The following DNAJA3 variants were observed in gnomAD, a reference collection of about 807,000 sequenced individuals.
DNAJA3 encodes dnaJ homolog subfamily A member 3, mitochondrial.
Under a neutral mutation model 54.9 loss-of-function variants are expected in DNAJA3, and 29 were observed. The ratio of observed to expected loss-of-function variants is 0.53; its 90% confidence interval spans 0.39 to 0.72. The LOEUF (loss-of-function observed/expected upper bound fraction) is 0.72. DNAJA3 is among the 30% of genes least tolerant of loss of function. DNAJA3 has a pLI of 0.00. For missense variants in DNAJA3, 708 were observed against 639.4 expected, an observed-to-expected ratio of 1.11 and a Z score of -1.16; for synonymous variants, 302 against 251.4, an observed-to-expected ratio of 1.20 and a Z score of -1.90.
chr16:4,434,288 G>A, intron 1 of DNAJA3, 96 bp from the exon 2 acceptor site: 1 of 1,387,472 alleles, frequency 7.2e-7, no homozygotes, highest in African/African-American at 1.4e-5. Flanking sequence ...CAGTTTGTTT[G>A]TTCCTTCACA....
At chr16:4,449,202 T>C (rs1006101169) in intron 9 of DNAJA3, among the ~76,000 whole-genome samples, 1 of 151,568 alleles carries the variant, frequency 6.6e-6, no homozygotes, top group Non-Finnish European at 1.5e-5. Context: ...TTCACCGTGT[T>C]AGCCAGAGTG....
At position 4,443,171 on chromosome 16, in the gene DNAJA3, G is replaced by A; in HGVS notation, c.931+7G>A. 6.2e-7 allele frequency: 1 copy of A among 1,613,746 alleles called. No individual in the cohort carries two copies. Among genetic ancestry groups the A allele is most frequent in the Non-Finnish European group, 8.5e-7 (1 of 1,179,916 alleles). On this transcript the variant is annotated splice_region_variant and intron_variant, in intron 6 of 11. Transcript: ENST00000262375. ...ATGATCCCTGTGCCTGCAGGTGGGT[G>A]CTTGGGCCCGCCATGTCCAGGAGCT...
intron 5 of DNAJA3, chr16:4,442,810 G>T: frequency 1.6e-6 from 1 of 606,146 alleles, no homozygotes; most frequent in Non-Finnish European, 2.9e-6. Flanking sequence ...TCAAGTTGAT[G>T]ATCTGGAGTG....
chr16:4,454,500 T>C (rs768588207), intron 10 of DNAJA3, among the ~76,000 whole-genome samples: 15 of 152,184 alleles, frequency 9.9e-5, no homozygotes, highest in Non-Finnish European at 1.8e-4. Context: ...CTTGACTGTG[T>C]TTTTGTCACT....
At chr16:4,427,074 C>T (rs746919863) in intron 1 of DNAJA3, 3 of 152,304 alleles carry the variant, frequency 2.0e-5, no homozygotes, top group Non-Finnish European at 2.9e-5. Context: ...TGCGCCACCA[C>T]GCCTGGCCAA....
At chr16:4,432,338 TTTTTTTTTC>T (rs1338460930) in intron 1 of DNAJA3, among the ~76,000 whole-genome samples, 210 of 26,168 alleles carry the variant, frequency 8.0e-3, no homozygotes, top group Middle Eastern at 0.061. Flanking sequence ...TTTCTTTCTT[TTTTTTTTTC>T]TTTTTTTTTT....
At chr16:4,435,343 C>T (rs1397904408) in intron 2 of DNAJA3, among the ~76,000 whole-genome samples, 1 of 152,000 alleles carries the variant, frequency 6.6e-6, no homozygotes, top group Non-Finnish European at 1.5e-5. Context: ...AAAATAAAAT[C>T]AATATTGGAG....
chr16:4,447,854 G>T (rs1466601853), intron 8 of DNAJA3: 1 of 151,078 alleles, frequency 6.6e-6, no homozygotes, highest in Non-Finnish European at 1.5e-5. Flanking sequence ...TTGTCGTCAG[G>T]TGCACGCCAC....
In DNAJA3 at chr16:4,454,850, G is replaced by C. The variant is rs752677547; in HGVS notation, c.1379G>C (p.Arg460Thr). The change falls in exon 11 of 12, where the codon AGG (arginine) becomes ACG (threonine). Residue 460 changes from arginine (R) to threonine (T), a missense_variant. Physicochemically the swap from Arg to Thr is moderately conservative, Grantham distance 71. Coordinates refer to ENST00000262375, the MANE Select transcript of DNAJA3 (RefSeq NM_005147.6). ...TMDSSAGSKA[R>T]REAGEDEEGF... is the part of the protein sequence containing the mutation. ...GATAGCTCCGCAGGAAGCAAGGCTA[G>C]GCGTGAGGCTGGGGAGGACGAGGAG... is the stretch of plus-strand genomic sequence containing the variant. 6.2e-7 allele frequency: 1 copy of C among 1,614,156 alleles called. No individual in the cohort carries two copies.
At chr16:4,449,000 A>G in intron 9 of DNAJA3, 152 bp downstream of exon 9, 3 of 601,336 alleles carry the variant, frequency 5.0e-6, no homozygotes, top group Non-Finnish European at 8.8e-6. Flanking sequence ...TAGAATGGTC[A>G]ACTTCTTTTT....
intron 9 of DNAJA3, chr16:4,449,808 ATTTCT>A (rs1414411136): frequency 1.3e-5 from 2 of 149,764 alleles, no homozygotes; most frequent in Non-Finnish European, 3.0e-5. Flanking sequence ...TAATTAGATA[ATTTCT>A]TTTTTTTTTT....
intron 2 of DNAJA3, among the ~76,000 whole-genome samples, chr16:4,434,989 TG>T (rs1198991199): frequency 6.8e-6 from 1 of 146,976 alleles, no homozygotes; most frequent in Middle Eastern, 3.2e-3. Context: ...CTCTGCCTCC[TG>T]GGTTCAAGCA....
Position 4,442,255 on chromosome 16 carries a change from T to C in DNAJA3, c.631-13T>C. 6.4e-7 allele frequency: 1 copy of C among 1,562,662 alleles called. No homozygotes were observed. The highest frequency in any genetic ancestry group is 1.2e-5 in the South Asian group (1 of 83,766). On this transcript the variant is annotated splice_polypyrimidine_tract_variant and intron_variant, in intron 4 of 11. Coordinates refer to ENST00000262375, the MANE Select transcript of DNAJA3 (RefSeq NM_005147.6). ...CAAACAAAAGTTGACAGGCTGTCCC[T>C]TGGTTTCTTTAGTACTTCATGGAGT...
At chr16:4,432,520 T>C (rs915185980) in intron 1 of DNAJA3, among the ~76,000 whole-genome samples, 4 of 151,676 alleles carry the variant, frequency 2.6e-5, no homozygotes, top group Admixed American at 6.6e-5. Flanking sequence ...TTTTGTATTT[T>C]TAGTAGAGAT....
Position 4,442,402 on chromosome 16 carries a change from C to T in DNAJA3, c.765C>T (p.Tyr255=). The T allele has an allele frequency of 2.5e-6, 4 of 1,603,184 alleles. No homozygotes were observed. The highest frequency in any genetic ancestry group is 1.3e-5 in the African/African-American group (1 of 74,662). Residue 255 remains tyrosine (Y), a synonymous_variant, in exon 5 of 12, where the codon TAC becomes TAT. Transcript: ENST00000262375. ...EPGTKVQHCH[Y]CGGSGMETIN... ...GCACCAAGGTGCAGCATTGCCACTA[C>T]TGTGGCGGCTCCGGCATGGTAAGGC...
At chr16:4,440,622 T>G (rs1167303484) in intron 3 of DNAJA3, 1 of 151,468 alleles carries the variant, frequency 6.6e-6, no homozygotes, top group Non-Finnish European at 1.5e-5. Flanking sequence ...AAGTGAATAC[T>G]ACATTTTTCC....
chr16:4,433,699 A>G lies in DNAJA3; in HGVS notation c.212-685A>G, dbSNP rs947909897. 6.6e-5 allele frequency: 10 copies of G among 152,260 alleles called. No homozygotes were observed. The East Asian group carries it at 1.7e-3, about 26-fold the overall frequency. The allele number at this position is 152,260 out of a possible 1,614,324, so 9.4% of individuals were successfully genotyped here. On this transcript the variant is annotated intron_variant, in intron 1 of 11. Coordinates refer to ENST00000262375, the MANE Select transcript of DNAJA3 (RefSeq NM_005147.6). ...ATGAAAATATGAAAATACCTAGCAA[A>G]TGGTAAGTGCTCATGTGGCATAAGA...
rs1352588241 is a variant in DNAJA3, at chr16:4,437,055, C to T, written c.346-347C>T. On this transcript the variant is annotated intron_variant, in intron 2 of 11. Coordinates refer to ENST00000262375, the MANE Select transcript of DNAJA3 (RefSeq NM_005147.6). ...CCTCGATCTCTGCTCACTGCAACCT[C>T]CACCTCCCAGGTTCAAGTGATTCTC... 2.6e-5 allele frequency among the ~76,000 whole-genome samples: 4 copies of T among 152,196 alleles called. No individual in the cohort carries two copies. The South Asian group carries it at 8.3e-4, about 32-fold the overall frequency.
At position 4,444,179 on chromosome 16, in the gene DNAJA3, G is replaced by T. The variant is rs557804287; in HGVS notation, c.932-485G>T. On this transcript the variant is annotated intron_variant, in intron 6 of 11. Transcript: ENST00000262375. ...TGCTCAGTCATCAGGTGTCTGTGTT[G>T]CATCTCTGGAAGGTTACCCATGTGC... 8.5e-5 allele frequency among the ~76,000 whole-genome samples: 13 copies of T among 152,272 alleles called. No individual in the cohort carries two copies. The East Asian group carries it at 2.5e-3, about 29-fold the overall frequency.
Sources: allele counts gnomAD v4.1 joint callset (sites outside exome capture counted in the v4.1 genomes callset), GRCh38; gene constraint gnomAD v4.1.1; transcripts MANE v1.5; gene names NCBI Gene and HGNC (gene_info 2026-07-23, HGNC 2026-07-21).